The following ATXN3 variants were observed in gnomAD, a reference collection of about 807,000 sequenced individuals.
The protein encoded by ATXN3 is ataxin 3, also known as ataxin-3.
A neutral mutation model predicts 58.2 loss-of-function variants in ATXN3; 28 were observed. The ratio of observed to expected loss-of-function variants is 0.48; its 90% CI spans 0.36 to 0.66. ATXN3 has a LOEUF of 0.66. ATXN3 is among the 30% of genes least tolerant of loss of function. ATXN3 has a pLI of 0.00. For synonymous variants in ATXN3, 113 were observed against 138.5 expected, an observed-to-expected ratio of 0.82 and a Z score of 1.29; for missense variants, 321 against 422.1, an observed-to-expected ratio of 0.76 and a Z score of 2.10.
At chr14:92,048,072 C>T (rs2057434981) in intron 1 of ATXN3, 1 of 152,358 alleles carries the variant, frequency 6.6e-6, no homozygotes, top group East Asian at 1.9e-4. Flanking sequence ...GTTGGACAGT[C>T]CGATTTCCAG....
At chr14:92,093,088 A>G (rs2141048148) in intron 5 of ATXN3, among the ~76,000 whole-genome samples, 164 bp downstream of exon 5, 1 of 146,956 alleles carries the variant, frequency 6.8e-6, no homozygotes, top group South Asian at 2.1e-4. Context: ...AAGAGACAGG[A>G]CCTCCCTTTG....
intron 8 of ATXN3, 110 bp downstream of exon 8, chr14:92,082,190 T>C (rs1337455626): frequency 1.6e-6 from 2 of 1,236,250 alleles, no homozygotes; most frequent in South Asian, 1.7e-5. Context: ...CTATTGCTTC[T>C]GCAGTAATTG....
intron 8 of ATXN3, among the ~76,000 whole-genome samples, chr14:92,081,834 G>A (rs375305746): frequency 6.6e-6 from 1 of 152,076 alleles, no homozygotes; most frequent in Non-Finnish European, 1.5e-5. Context: ...ATATGTTTTC[G>A]CTTTTCTCTA....
chr14:92,088,793 T>A lies in ATXN3; in HGVS notation c.412A>T (p.Thr138Ser). The A allele has an allele frequency of 2.5e-6, 4 of 1,611,780 alleles. No homozygotes were observed. The highest frequency in any genetic ancestry group is 3.4e-6 in the Non-Finnish European group (4 of 1,178,286). Reference sequence around the variant, plus strand: ...GTATCTGATATTAATTCTGGACCCGTCAAGAGAGAATTCAAGTTAAACCAC... The same window carrying A: ...GTATCTGATATTAATTCTGGACCCGACAAGAGAGAATTCAAGTTAAACCAC... The part of the protein sequence containing the change: ...KQWFNLNSLL[T>S]GPELISDTYL... The change falls in exon 6 of 11, where the codon ACG (threonine) becomes TCG (serine). Residue 138 changes from threonine (T) to serine (S), a missense_variant. Thr to Ser is a moderately conservative substitution (Grantham distance 58). Coordinates refer to ENST00000644486, the MANE Select transcript of ATXN3 (RefSeq NM_004993.6).
At chr14:92,052,178 A>G (rs1445444269), upstream of ATXN3, among the ~76,000 whole-genome samples, 2 of 151,952 alleles carry the variant, frequency 1.3e-5, no homozygotes, top group African/African-American at 4.8e-5. Flanking sequence ...TCAACTTGTC[A>G]TCCTCCAAAA....
At chr14:92,096,613 G>C (rs1280974449) in intron 2 of ATXN3, 61 bp downstream of exon 2, 4 of 1,494,226 alleles carry the variant, frequency 2.7e-6, no homozygotes, top group Non-Finnish European at 3.6e-6. Context: ...AACAGGGCGA[G>C]ACTCCGTCTC....
At chr14:92,100,504 C>G (rs1442155024) in intron 1 of ATXN3, among the ~76,000 whole-genome samples, 4 of 151,584 alleles carry the variant, frequency 2.6e-5, no homozygotes, top group African/African-American at 7.3e-5. Flanking sequence ...TACTAGATAA[C>G]AATGAGGATG....
intron 1 of ATXN3, among the ~76,000 whole-genome samples, chr14:92,101,747 G>A (rs7142850): frequency 0.3 from 45,768 of 151,936 alleles, 7,148 homozygotes; most frequent in Admixed American, 0.39. Flanking sequence ...AGTCCCAGGT[G>A]CTCAGGAGGC....
rs376064779 is a variant in ATXN3 at position 92,064,271 on chromosome 14, A to C, written c.*49T>G. ...AAAGTGGACCCTATGCTGTAATCAC[A>C]CAGGATAATGTTGGAAAGTATGAAT... On this transcript the variant is annotated 3_prime_UTR_variant, in exon 11 of 11. Coordinates refer to ENST00000644486, the MANE Select transcript of ATXN3 (RefSeq NM_004993.6). The C allele has an allele frequency of 1.5e-5, 20 of 1,364,202 alleles. No individual in the cohort carries two copies. The African/African-American group carries it at 2.8e-4, about 19-fold the overall frequency. 84.5% of individuals were successfully genotyped at this position (1,364,202 alleles called of 1,614,324 possible). A position where few individuals can be genotyped will look rare whatever the true frequency, so the allele number is the denominator to read the frequency against.
At position 92,078,880 on chromosome 14, in the gene ATXN3, T is replaced by C. The variant is rs75573829; in HGVS notation, c.872+2085A>G. ...GTGGGACAGTGGAAAGAATGGGAGA[T>C]GGGAGTATTATAAAACGAGATTGGG... is the stretch of plus-strand genomic sequence containing the variant. On this transcript the variant is annotated intron_variant, in intron 9 of 10. Transcript: ENST00000644486. Among the ~76,000 whole-genome samples, 961 of 151,996 alleles carry C rather than the reference T, an allele frequency of 6.3e-3. 13 individuals are homozygous for C. The highest frequency in any genetic ancestry group is 0.021 in the African/African-American group (889 of 41,470).
intron 4 of ATXN3, 110 bp downstream of exon 4, chr14:92,093,636 G>C: frequency 2.3e-6 from 2 of 861,788 alleles, no homozygotes; most frequent in Non-Finnish European, 3.6e-6. Flanking sequence ...AATGAAACAG[G>C]GAACATCAAA....
chr14:92,087,451 T>C (rs2062833719), intron 6 of ATXN3, among the ~76,000 whole-genome samples: 1 of 137,948 alleles, frequency 7.2e-6, no homozygotes, highest in South Asian at 2.5e-4. Flanking sequence ...GCCTAGTCAC[T>C]TTGATAGATG....
intron 1 of ATXN3, among the ~76,000 whole-genome samples, chr14:92,048,825 T>C (rs2057438163): frequency 6.6e-6 from 1 of 151,986 alleles, no homozygotes; most frequent in Non-Finnish European, 1.5e-5. Context: ...AGAGGTCAGA[T>C]GAGTCCATAG....
At chr14:92,095,056 C>CAT (rs1437313773) in intron 3 of ATXN3, among the ~76,000 whole-genome samples, 6 of 148,000 alleles carry the variant, frequency 4.1e-5, no homozygotes, top group East Asian at 2.0e-4. Flanking sequence ...CTTGCGAGTA[C>CAT]ATATATATAT....
At chr14:92,070,763 T>TTTTG in intron 10 of ATXN3, 172 bp downstream of exon 10, 1 of 1,345,714 alleles carries the variant, frequency 7.4e-7, no homozygotes, top group South Asian at 1.7e-5. Flanking sequence ...TTTTTTTTCT[T>TTTTG]TTGGTAACTG....
rs372907618 is a variant in ATXN3, at chr14:92,071,151, C to T, written c.873-98G>A. 2.1e-3 allele frequency: 3,114 copies of T among 1,473,378 alleles called. 93 individuals carry two copies. In the South Asian group the frequency reaches 0.035, roughly 17 times the overall value. The allele number at this position is 1,473,378 out of a possible 1,614,324, so 91.3% of individuals were successfully genotyped here. ...TTCATAAGGAAAATACATTGTTTCA[C>T]GAATCAAAGTAGTCACTGGTATTAA... On this transcript the variant is annotated intron_variant, in intron 9 of 10. Coordinates refer to ENST00000644486, the MANE Select transcript of ATXN3 (RefSeq NM_004993.6).
Position 92,060,270 on chromosome 14 carries a change from A to ATATACACACACATATATATATATATTT in ATXN3, c.*4049_*4050insAAATATATATATATATGTGTGTGTATA, listed in dbSNP as rs1555392594. The stretch of plus-strand genomic sequence containing the variant: ...CACACATATATATATATATATATAT[A>ATATACACACACATATATATATATATTT]TTTTTTTTTTTCAGAAACAGTGTCT... On this transcript the variant is annotated 3_prime_UTR_variant, in exon 11 of 11. Coordinates refer to ENST00000644486, the MANE Select transcript of ATXN3 (RefSeq NM_004993.6). The ATATACACACACATATATATATATATTT allele has an allele frequency of 1.2e-4, 14 of 117,374 alleles. No homozygotes were observed. The highest frequency in any genetic ancestry group is 4.2e-4 in the African/African-American group (12 of 28,304). 7.3% of individuals were successfully genotyped at this position (117,374 alleles called of 1,614,324 possible).
At chr14:92,080,434 A>G (rs2061252183) in intron 9 of ATXN3, 1 of 153,506 alleles carries the variant, frequency 6.5e-6, no homozygotes, top group African/African-American at 2.4e-5. Context: ...ATGAAATTTT[A>G]TAAGGTTTCC....
At chr14:92,057,610 C>T (rs2057486981), downstream of ATXN3, among the ~76,000 whole-genome samples, 1 of 151,900 alleles carries the variant, frequency 6.6e-6, no homozygotes, top group South Asian at 2.1e-4. Context: ...TGGATCGGGC[C>T]CCGGTCCTGT....
Sources: gnomAD v4.1 joint callset for allele counts (sites outside exome capture counted in the v4.1 genomes callset) on GRCh38, gnomAD v4.1.1 for gene constraint, MANE v1.5 for transcripts, NCBI Gene and HGNC (gene_info 2026-07-23, HGNC 2026-07-21) for gene names.